The following NAALADL2 variants were observed in gnomAD, a reference collection of about 807,000 sequenced individuals.
The protein encoded by NAALADL2 is N-acetylated alpha-linked acidic dipeptidase like 2.
In NAALADL2, 76 loss-of-function variants were observed where a neutral mutation model predicts 87.2. The ratio of observed to expected loss-of-function variants is 0.87; its 90% CI spans 0.72 to 1.05. The LOEUF (loss-of-function observed/expected upper bound fraction) is 1.05, where lower values mean the gene tolerates loss of function less well. Among genes scored for constraint, NAALADL2 ranks in the 50% least tolerant of loss-of-function variants. The probability of loss-of-function intolerance (pLI) is 0.00; values close to 1 mark genes in which losing one functional copy is unlikely to be tolerated. For synonymous variants in NAALADL2, 354 were observed against 331.0 expected (o/e 1.07, Z -0.75); for missense variants, 1,089 against 945.8 (o/e 1.15, Z -1.99).
At chr3:175,775,741 A>G (rs1456706493) in intron 13 of NAALADL2, among the ~76,000 whole-genome samples, 1 of 152,068 alleles carries the variant, frequency 6.6e-6, no homozygotes, top group African/African-American at 2.4e-5. Flanking sequence ...CCTAACCCCA[A>G]TGTGTTATCA....
intron 2 of NAALADL2, among the ~76,000 whole-genome samples, chr3:175,193,791 T>G (rs1738566241): frequency 6.6e-6 from 1 of 151,990 alleles, no homozygotes; most frequent in African/African-American, 2.4e-5. Flanking sequence ...GGTGTTTTTT[T>G]GGCTCTGTTT....
intron 1 of NAALADL2, among the ~76,000 whole-genome samples, chr3:174,902,519 C>T (rs1036867210): frequency 6.6e-6 from 1 of 151,626 alleles, no homozygotes; most frequent in Non-Finnish European, 1.5e-5. Flanking sequence ...AAGACAATCG[C>T]GTGATTAAAG....
chr3:175,009,137 TC>T (rs1023663269), intron 1 of NAALADL2, among the ~76,000 whole-genome samples: 28 of 152,250 alleles, frequency 1.8e-4, no homozygotes, highest in South Asian at 6.2e-4. Context: ...TGGGCCTCAC[TC>T]CCAAATCTCT....
In NAALADL2 at chr3:174,494,311, TA is replaced by T. The variant is rs541054059; in HGVS notation, c.-184+53280del. Among the ~76,000 whole-genome samples, 8 of 152,252 alleles carry T rather than the reference TA, an allele frequency of 5.3e-5. No homozygotes were observed. The East Asian group carries it at 1.4e-3, about 26-fold the overall frequency. On this transcript the variant is annotated intron_variant, in intron 1 of 3. Transcript: ENST00000434257. ...GTGAGAAATAATCAGATTTGCTTTT[TA>T]CAACATTGATTCTAATGTCATATTA... is the stretch of plus-strand genomic sequence containing the variant.
chr3:175,142,757 G>A (rs574858706), intron 2 of NAALADL2, among the ~76,000 whole-genome samples: 1 of 151,998 alleles, frequency 6.6e-6, no homozygotes, highest in South Asian at 2.1e-4. Context: ...CTATAAGGAT[G>A]ATAAATCTTC....
At chr3:175,766,040 A>G (rs1748644092) in intron 13 of NAALADL2, among the ~76,000 whole-genome samples, 1 of 152,118 alleles carries the variant, frequency 6.6e-6, no homozygotes, top group East Asian at 1.9e-4. Flanking sequence ...TAATGAGATT[A>G]TAGTGTTAAT....
intron 1 of NAALADL2, among the ~76,000 whole-genome samples, chr3:175,092,618 T>C (rs1053604895): frequency 2.6e-5 from 4 of 151,906 alleles, no homozygotes; most frequent in African/African-American, 9.7e-5. Flanking sequence ...ATTTGTGAAA[T>C]AGCATTCAGA....
chr3:175,197,333 T>C (rs565421010), intron 2 of NAALADL2, among the ~76,000 whole-genome samples: 2 of 152,190 alleles, frequency 1.3e-5, no homozygotes, highest in South Asian at 4.1e-4. Context: ...GTTTTGTGTA[T>C]GTTTTATGGT....
At chr3:175,509,281 C>G (rs902388175) in intron 9 of NAALADL2, among the ~76,000 whole-genome samples, 10 of 152,152 alleles carry the variant, frequency 6.6e-5, no homozygotes, top group African/African-American at 2.4e-4. Flanking sequence ...CTCAGGTGCC[C>G]CACAAGACCT....
At chr3:174,682,856 C>T (rs1436493435) in intron 2 of NAALADL2, among the ~76,000 whole-genome samples, 1 of 152,204 alleles carries the variant, frequency 6.6e-6, no homozygotes, top group Non-Finnish European at 1.5e-5. Context: ...TGCTTTGACA[C>T]TAATGAACAT....
At chr3:175,331,494 T>C in intron 5 of NAALADL2, among the ~76,000 whole-genome samples, 1 of 152,060 alleles carries the variant, frequency 6.6e-6, no homozygotes, top group East Asian at 1.9e-4. Flanking sequence ...TAAACACTGA[T>C]AAAACGAAAG....
chr3:175,149,638 G>A (rs1731253515), intron 2 of NAALADL2, among the ~76,000 whole-genome samples: 1 of 152,038 alleles, frequency 6.6e-6, no homozygotes, highest in African/African-American at 2.4e-5. Context: ...CACACTTTTG[G>A]TTTATAATTA....
chr3:174,968,735 C>T (rs967215408), intron 1 of NAALADL2, among the ~76,000 whole-genome samples: 3 of 152,118 alleles, frequency 2.0e-5, no homozygotes, highest in African/African-American at 4.8e-5. Context: ...CCTCGGCCTC[C>T]CAAAGTGCTG....
chr3:175,229,783 A>G (rs1744678627), intron 2 of NAALADL2, among the ~76,000 whole-genome samples: 1 of 152,046 alleles, frequency 6.6e-6, no homozygotes, highest in African/African-American at 2.4e-5. Flanking sequence ...ATTTCTTCCC[A>G]AATTGATCTT....
At chr3:175,599,890 G>C (rs1722728574) in intron 10 of NAALADL2, among the ~76,000 whole-genome samples, 1 of 152,032 alleles carries the variant, frequency 6.6e-6, no homozygotes, top group Admixed American at 6.6e-5. Context: ...GTAATATTTA[G>C]ATTAAACATT....
intron 1 of NAALADL2, among the ~76,000 whole-genome samples, chr3:174,458,947 G>GTAA (rs1716030077): frequency 6.6e-6 from 1 of 152,088 alleles, no homozygotes; most frequent in Non-Finnish European, 1.5e-5. Flanking sequence ...GATCAAAGTA[G>GTAA]CAAGCTAGCC....
At chr3:174,667,386 C>G (rs1488257696) in intron 2 of NAALADL2, among the ~76,000 whole-genome samples, 1 of 151,938 alleles carries the variant, frequency 6.6e-6, no homozygotes, top group African/African-American at 2.4e-5. Context: ...AAAGTGGGCA[C>G]TTTTAAAGGG....
chr3:175,660,961 C>T (rs1032869085), intron 11 of NAALADL2, among the ~76,000 whole-genome samples: 3 of 151,954 alleles, frequency 2.0e-5, no homozygotes, highest in East Asian at 3.9e-4. Flanking sequence ...ATAAACATGA[C>T]GGTGCAGATA....
chr3:175,711,994 G>T (rs772272755), intron 11 of NAALADL2, among the ~76,000 whole-genome samples: 16 of 151,734 alleles, frequency 1.1e-4, no homozygotes, highest in Non-Finnish European at 1.8e-4. Context: ...TTCAAAAGTT[G>T]CACTATCCAT....
Sources: allele counts gnomAD v4.1 joint callset (sites outside exome capture counted in the v4.1 genomes callset), GRCh38; gene constraint gnomAD v4.1.1; transcripts MANE v1.5; gene names NCBI Gene and HGNC (gene_info 2026-07-23, HGNC 2026-07-21).